Variants in KIAA0586 observed in about 807,000 individuals in gnomAD.
KIAA0586 encodes the protein protein TALPID3.
Under a neutral mutation model 169.8 loss-of-function variants are expected in KIAA0586, and 144 were observed. That is an observed-to-expected ratio of 0.85 (90% confidence interval 0.74 to 0.97). The LOEUF (loss-of-function observed/expected upper bound fraction) is 0.97. Ranked by LOEUF, KIAA0586 falls within the 50% of genes least tolerant of loss-of-function variation. The pLI is 0.00. For synonymous variants in KIAA0586, 625 were observed against 612.4 expected, an observed-to-expected ratio of 1.02 and a Z score of -0.30; for missense variants, 1,854 against 1,823.0, an observed-to-expected ratio of 1.02 and a Z score of -0.31.
chr14:58,428,272 G>C lies in KIAA0586; in HGVS notation c.8G>C (p.Gly3Ala). MK[G>A]SEVSLEKKKK... ...TGTTTTGTGACCAACAATATGAAAG[G>C]CTCTGAGGTCAGCTTGGAGAAGAAA... Residue 3 changes from glycine (G) to alanine (A), a missense_variant, in exon 1 of 31, where the codon GGC becomes GCC. By Grantham distance (60) the Gly-to-Ala change is moderately conservative (BLOSUM62 0). Transcript: ENST00000652326. The C allele has an allele frequency of 1.2e-6, 2 of 1,613,380 alleles. No homozygotes were observed. Among genetic ancestry groups the C allele is most frequent in the Non-Finnish European group, 1.7e-6 (2 of 1,179,640 alleles).
intron 5 of KIAA0586, among the ~76,000 whole-genome samples, 184 bp downstream of exon 5, chr14:58,443,064 T>C (rs2038541624): frequency 6.6e-6 from 1 of 152,268 alleles, no homozygotes; most frequent in African/African-American, 2.4e-5. Context: ...AATTACCCTC[T>C]AATACTGTGA....
chr14:58,535,699 A>ATT (rs3041108), intron 29 of KIAA0586, among the ~76,000 whole-genome samples: 81 of 141,306 alleles, frequency 5.7e-4, no homozygotes, highest in Middle Eastern at 3.9e-3. Flanking sequence ...AATTTATTGG[A>ATT]TTTTTTTTTT....
intron 15 of KIAA0586, among the ~76,000 whole-genome samples, chr14:58,467,370 A>G (rs1157748097): frequency 1.3e-5 from 2 of 152,238 alleles, no homozygotes; most frequent in Admixed American, 1.3e-4. Context: ...CTGGCTTTAT[A>G]GTCTGTGTTT....
rs1435228602 is a variant in KIAA0586, at chr14:58,458,489, A to G, written c.1600A>G (p.Ile534Val). The G allele has an allele frequency of 1.3e-6, 2 of 1,542,010 alleles. No individual in the cohort carries two copies. Among genetic ancestry groups the G allele is most frequent in the Admixed American group, 3.9e-5 (2 of 50,784 alleles). ...LSTNREMSEK[I>V]RIRKTVDEWI... ...CTTTTATAGAGAGATGTCAGAGAAA[A>G]TTAGGATCAGAAAGACAGTGGATGA... The change falls in exon 12 of 31, where the codon ATT becomes GTT. Residue 534 changes from isoleucine (I) to valine (V), a missense_variant. By Grantham distance (29) the Ile-to-Val change is conservative. Transcript: ENST00000652326.
chr14:58,455,424 T>A (rs2039740839), intron 9 of KIAA0586, among the ~76,000 whole-genome samples: 1 of 152,230 alleles, frequency 6.6e-6, no homozygotes, highest in South Asian at 2.1e-4. Context: ...AACTGGGCAT[T>A]TTAAATAATA....
intron 20 of KIAA0586, among the ~76,000 whole-genome samples, chr14:58,479,986 T>G (rs1466268991): frequency 6.6e-6 from 1 of 152,158 alleles, no homozygotes; most frequent in Non-Finnish European, 1.5e-5. Flanking sequence ...CTTTTTTTCT[T>G]TTTTATTCCT....
In KIAA0586 at chr14:58,548,001, C is replaced by A. The variant is rs1446060903; in HGVS notation, c.*69C>A. 1 of 1,564,370 alleles carries A rather than the reference C, an allele frequency of 6.4e-7. No homozygotes were observed. The highest frequency in any genetic ancestry group is 8.7e-7 in the Non-Finnish European group (1 of 1,146,480). The stretch of plus-strand genomic sequence containing the variant: ...AAGTCATTTTACCTTGGCTTAAAAC[C>A]CTCTCTCAGACTGTTTGGTTTTTGA... On this transcript the variant is annotated 3_prime_UTR_variant, in exon 31 of 31. Coordinates refer to ENST00000652326, the MANE Select transcript of KIAA0586 (RefSeq NM_001329943.3).
chr14:58,465,512 A>ATT (rs2040684933), intron 14 of KIAA0586, among the ~76,000 whole-genome samples: 1 of 152,206 alleles, frequency 6.6e-6, no homozygotes, highest in African/African-American at 2.4e-5. Flanking sequence ...ACTGTGGCCT[A>ATT]CACGTGAGCT....
intron 22 of KIAA0586, 91 bp downstream of exon 22, chr14:58,487,257 G>A (rs2042520807): frequency 1.8e-6 from 2 of 1,103,060 alleles, no homozygotes; most frequent in Non-Finnish European, 2.6e-6. Flanking sequence ...CTAGGTTTTA[G>A]TAAATCATTT....
intron 29 of KIAA0586, among the ~76,000 whole-genome samples, chr14:58,528,428 T>C (rs2139975609): frequency 6.6e-6 from 1 of 152,272 alleles, no homozygotes; most frequent in South Asian, 2.1e-4. Context: ...ATCACACTTA[T>C]TCTAAAATTG....
At chr14:58,510,327 C>T (rs932238033) in intron 28 of KIAA0586, among the ~76,000 whole-genome samples, 1 of 152,198 alleles carries the variant, frequency 6.6e-6, no homozygotes, top group African/African-American at 2.4e-5. Flanking sequence ...CAAGATCTCG[C>T]CACTGCACTC....
rs2046550878 is a variant in KIAA0586 at position 58,540,135 on chromosome 14, A to G, written c.4494A>G (p.Ser1498=). 1 of 1,535,532 alleles carries G rather than the reference A, an allele frequency of 6.5e-7. No homozygotes were observed. The highest frequency in any genetic ancestry group is 8.8e-7 in the Non-Finnish European group (1 of 1,130,274). The change falls in exon 30 of 31, where the codon TCA becomes TCG. Residue 1498 remains serine (S), a splice_region_variant and synonymous_variant. Transcript: ENST00000652326. ...ATCCGTACCTCACATGTGTATTTTC[A>G]GGTAAGATTTTTACTTTAAAAGTTC... ...ELNPYLTCVF[S]GGKAVPLSAS...
rs535034022 is a variant in KIAA0586, at chr14:58,485,440, T to C, written c.3145-1567T>C. ...TCATTTTCCTACCTTCTGGTGGTAG[T>C]ATAATATAGTAAAATCTTGTAGTAG... On this transcript the variant is annotated intron_variant, in intron 21 of 30. Coordinates refer to ENST00000652326, the MANE Select transcript of KIAA0586 (RefSeq NM_001329943.3). 5.6e-4 allele frequency among the ~76,000 whole-genome samples: 86 copies of C among 152,256 alleles called. 1 individual carries two copies. Among genetic ancestry groups the C allele is most frequent in the Middle Eastern group, 3.4e-3 (1 of 294 alleles).
chr14:58,505,292 T>G (rs1231691711), intron 27 of KIAA0586, among the ~76,000 whole-genome samples: 3 of 152,210 alleles, frequency 2.0e-5, no homozygotes, highest in African/African-American at 4.8e-5. Flanking sequence ...TTACTTAAAT[T>G]TATTCATTTT....
chr14:58,529,433 T>C (rs1288575594), intron 29 of KIAA0586, among the ~76,000 whole-genome samples: 1 of 152,232 alleles, frequency 6.6e-6, no homozygotes, highest in African/African-American at 2.4e-5. Context: ...GTATCCGTGA[T>C]GATCATCAGT....
At chr14:58,455,228 G>A (rs2039719149) in intron 9 of KIAA0586, among the ~76,000 whole-genome samples, 1 of 49,426 alleles carries the variant, frequency 2.0e-5, no homozygotes, top group Admixed American at 2.9e-4. Flanking sequence ...TATTTGGCAA[G>A]ACTTCATTCT....
chr14:58,430,519 A>G (rs1595060486), intron 2 of KIAA0586, 129 bp from the exon 3 acceptor site: 1 of 555,868 alleles, frequency 1.8e-6, no homozygotes, highest in East Asian at 3.1e-5. Context: ...ATGATGATGG[A>G]AATGAAGAAT....
At chr14:58,438,473 G>A (rs961912323) in intron 4 of KIAA0586, among the ~76,000 whole-genome samples, 1 of 152,034 alleles carries the variant, frequency 6.6e-6, no homozygotes, top group Non-Finnish European at 1.5e-5. Flanking sequence ...CTAACCCTTT[G>A]TTACTTGCTG....
chr14:58,539,452 T>C (rs1281511125), intron 29 of KIAA0586, among the ~76,000 whole-genome samples: 1 of 152,228 alleles, frequency 6.6e-6, no homozygotes, highest in Non-Finnish European at 1.5e-5. Context: ...AGCCATGCCC[T>C]TAGTATCCAG....
Sources: gnomAD v4.1 joint callset for allele counts (sites outside exome capture counted in the v4.1 genomes callset) on GRCh38, gnomAD v4.1.1 for gene constraint, MANE v1.5 for transcripts, NCBI Gene and HGNC (gene_info 2026-07-23, HGNC 2026-07-21) for gene names.